The following CDH13 variants were observed in gnomAD, a reference collection of about 807,000 sequenced individuals.
CDH13 encodes cadherin 13.
CDH13 carries 24 observed loss-of-function variants against 63.8 expected under a neutral mutation model. That is an observed-to-expected ratio of 0.38 (90% CI 0.27 to 0.53). The LOEUF (loss-of-function observed/expected upper bound fraction) is 0.53. Among genes scored for constraint, CDH13 ranks in the 20% least tolerant of loss-of-function variants. The pLI, the probability that CDH13 is intolerant of heterozygous loss-of-function variation, is 0.85. For missense variants in CDH13, 1,049 were observed against 903.1 expected (o/e 1.16, Z -2.07); for synonymous variants, 503 against 355.3 (o/e 1.42, Z -4.67).
chr16:83,152,213 C>T (rs2037012301), intron 4 of CDH13, among the ~76,000 whole-genome samples: 1 of 152,148 alleles, frequency 6.6e-6, no homozygotes, highest in African/African-American at 2.4e-5. Context: ...TGTTTGATGT[C>T]TTACATGCCA....
intron 10 of CDH13, among the ~76,000 whole-genome samples, chr16:83,697,568 C>T (rs1905569664): frequency 6.6e-6 from 1 of 152,212 alleles, no homozygotes; most frequent in Non-Finnish European, 1.5e-5. Context: ...CAGAAGTGCA[C>T]ATAAGATAAG....
chr16:83,662,481 A>C (rs1004731303), intron 8 of CDH13, among the ~76,000 whole-genome samples: 11 of 152,352 alleles, frequency 7.2e-5, no homozygotes, highest in African/African-American at 2.2e-4. Flanking sequence ...TTTTAGACTG[A>C]AATCTTTACA....
At chr16:82,862,523 A>T (rs574696394) in intron 2 of CDH13, among the ~76,000 whole-genome samples, 1 of 151,878 alleles carries the variant, frequency 6.6e-6, no homozygotes, top group African/African-American at 2.4e-5. Flanking sequence ...CAGAAAGAAG[A>T]TCCTCATTGG....
At chr16:83,386,636 T>C (rs2091680271) in intron 6 of CDH13, among the ~76,000 whole-genome samples, 1 of 152,238 alleles carries the variant, frequency 6.6e-6, no homozygotes, top group South Asian at 2.1e-4. Flanking sequence ...TTGTGGTCAC[T>C]TCATTTAAGG....
At chr16:83,150,701 T>C (rs1352380242) in intron 4 of CDH13, among the ~76,000 whole-genome samples, 1 of 152,226 alleles carries the variant, frequency 6.6e-6, no homozygotes, top group Admixed American at 6.5e-5. Context: ...GCTTATATAG[T>C]AAGCAACTCT....
intron 8 of CDH13, among the ~76,000 whole-genome samples, chr16:83,603,585 C>T (rs1284286255): frequency 6.6e-6 from 1 of 152,104 alleles, no homozygotes; most frequent in Non-Finnish European, 1.5e-5. Flanking sequence ...CCTCATCTGC[C>T]ATCAATGCTT....
intron 7 of CDH13, among the ~76,000 whole-genome samples, chr16:83,591,104 G>T (rs1222546319): frequency 1.3e-5 from 2 of 151,508 alleles, no homozygotes; most frequent in Admixed American, 6.6e-5. Context: ...AGAGATGGGG[G>T]TTCACCAGGT....
chr16:83,607,983 T>C (rs550408110), intron 8 of CDH13, among the ~76,000 whole-genome samples: 3 of 152,180 alleles, frequency 2.0e-5, no homozygotes, highest in Admixed American at 6.5e-5. Flanking sequence ...ATTGAATAAG[T>C]CATATTTTCA....
chr16:82,783,979 C>G (rs1489933189), intron 1 of CDH13, among the ~76,000 whole-genome samples: 1 of 152,144 alleles, frequency 6.6e-6, no homozygotes, highest in Admixed American at 6.5e-5. Context: ...TTTTTTTCTT[C>G]TACCTCCGCA....
chr16:83,291,905 A>G (rs929555500), intron 5 of CDH13, among the ~76,000 whole-genome samples: 2 of 152,212 alleles, frequency 1.3e-5, no homozygotes, highest in Non-Finnish European at 2.9e-5. Context: ...TGACCAGGTC[A>G]GAGTTCCTCC....
At chr16:83,692,498 C>T (rs1905010033) in intron 10 of CDH13, among the ~76,000 whole-genome samples, 1 of 152,248 alleles carries the variant, frequency 6.6e-6, no homozygotes, top group Non-Finnish European at 1.5e-5. Flanking sequence ...CAGACTCCGT[C>T]TGTCCCGGTT....
intron 7 of CDH13, among the ~76,000 whole-genome samples, chr16:83,550,238 C>T (rs967080649): frequency 1.3e-5 from 2 of 152,210 alleles, no homozygotes; most frequent in African/African-American, 4.8e-5. Flanking sequence ...TGTGGAATCT[C>T]TTGGTCAGCT....
intron 2 of CDH13, among the ~76,000 whole-genome samples, chr16:82,887,652 C>T (rs1280268656): frequency 1.3e-5 from 2 of 152,178 alleles, no homozygotes; most frequent in Admixed American, 6.5e-5. Flanking sequence ...GAAACCTCAT[C>T]TCTATTAAAA....
chr16:82,885,993 A>C (rs1597141127), intron 2 of CDH13, among the ~76,000 whole-genome samples: 2 of 152,346 alleles, frequency 1.3e-5, no homozygotes, highest in East Asian at 3.9e-4. Context: ...ATCTGGTGAG[A>C]AAACATGTAA....
intron 1 of CDH13, among the ~76,000 whole-genome samples, chr16:82,685,123 A>G (rs1914931477): frequency 6.6e-6 from 1 of 152,172 alleles, no homozygotes; most frequent in African/African-American, 2.4e-5. Flanking sequence ...CAATGAGGGG[A>G]AAAAATACTT....
intron 13 of CDH13, among the ~76,000 whole-genome samples, chr16:83,789,562 TG>T (rs1394856593): frequency 3.9e-5 from 6 of 152,034 alleles, no homozygotes; most frequent in Admixed American, 3.9e-4. Flanking sequence ...TTGGCCAGGC[TG>T]GTCTGAAACT....
At chr16:82,693,833 C>T (rs529328216) in intron 1 of CDH13, among the ~76,000 whole-genome samples, 6 of 152,280 alleles carry the variant, frequency 3.9e-5, no homozygotes, top group Non-Finnish European at 5.9e-5. Flanking sequence ...ATGAGGTCCC[C>T]ATTAAAATTC....
intron 5 of CDH13, among the ~76,000 whole-genome samples, chr16:83,234,136 C>A (rs926004240): frequency 3.9e-5 from 6 of 152,208 alleles, no homozygotes; most frequent in Non-Finnish European, 7.3e-5. Context: ...TAGATTCTTG[C>A]TCTGAAAGCT....
intron 6 of CDH13, among the ~76,000 whole-genome samples, chr16:83,469,021 C>T (rs9933625): frequency 0.026 from 3,906 of 152,238 alleles, 175 homozygotes; most frequent in African/African-American, 0.088. Context: ...CAGGACTCTA[C>T]GGCTTTCCCT....
Sources: gnomAD v4.1 joint callset for allele counts (sites outside exome capture counted in the v4.1 genomes callset) on GRCh38, gnomAD v4.1.1 for gene constraint, MANE v1.5 for transcripts, NCBI Gene and HGNC (gene_info 2026-07-23, HGNC 2026-07-21) for gene names.